The following REPS1 variants were observed in gnomAD, a reference collection of about 807,000 sequenced individuals.
The protein encoded by REPS1 is ralBP1-associated Eps domain-containing protein 1.
REPS1 carries 39 observed loss-of-function variants against 100.9 expected under a neutral mutation model. The ratio of observed to expected loss-of-function variants is 0.39; its 90% CI spans 0.30 to 0.50. REPS1 has a LOEUF of 0.50. Ranked by LOEUF, REPS1 falls within the 20% of genes least tolerant of loss-of-function variation. The pLI, the probability that REPS1 is intolerant of heterozygous loss-of-function variation, is 0.86. For synonymous variants in REPS1, 324 were observed against 340.3 expected (o/e 0.95, Z 0.53); for missense variants, 821 against 968.5 (o/e 0.85, Z 2.02).
intron 8 of REPS1, among the ~76,000 whole-genome samples, chr6:138,936,707 G>A (rs958461954): frequency 6.6e-6 from 1 of 151,580 alleles, no homozygotes; most frequent in Non-Finnish European, 1.5e-5. Context: ...TTTTTCCTCT[G>A]CAACTAAGGG....
rs187878296 is a variant in REPS1 at position 138,948,823 on chromosome 6, A to T, written c.154-910T>A. Among the ~76,000 whole-genome samples, 6 of 152,358 alleles carry T rather than the reference A, an allele frequency of 3.9e-5. No homozygotes were observed. In the East Asian group the frequency reaches 1.2e-3, roughly 29 times the overall value. Reference sequence around the variant, plus strand: ...TGCTGTGGTATTAAGTCTGAATAAAACTATTCACAGGACTTCAAAAAAAGG... The same window carrying T: ...TGCTGTGGTATTAAGTCTGAATAAATCTATTCACAGGACTTCAAAAAAAGG... On this transcript the variant is annotated intron_variant, in intron 1 of 19. Coordinates refer to ENST00000450536, the MANE Select transcript of REPS1 (RefSeq NM_001286611.2).
chr6:138,960,914 T>G (rs1172492353), intron 1 of REPS1, among the ~76,000 whole-genome samples: 1 of 152,212 alleles, frequency 6.6e-6, no homozygotes, highest in African/African-American at 2.4e-5. Flanking sequence ...TGGTAGCAGA[T>G]AAAAGTTCTT....
intron 10 of REPS1, among the ~76,000 whole-genome samples, chr6:138,926,017 G>A (rs899355506): frequency 1.3e-5 from 2 of 152,122 alleles, no homozygotes. Flanking sequence ...TGCATAAATA[G>A]TTACATATGT....
rs1235379052 is a variant in REPS1 at position 138,903,644 on chromosome 6, GA to G, written c.*1419del. On this transcript the variant is annotated 3_prime_UTR_variant, in exon 20 of 20. Coordinates refer to ENST00000450536, the MANE Select transcript of REPS1 (RefSeq NM_001286611.2). ...GGAAACAGCAAAACTTGCTTGTAATGAAATACAGCTGAGTAAAAATGTTTCT... is the reference window on the plus strand; with the variant it reads ...GGAAACAGCAAAACTTGCTTGTAATGAATACAGCTGAGTAAAAATGTTTCT... The G allele has an allele frequency of 1.3e-5, 2 of 152,172 alleles. No homozygotes were observed. Among genetic ancestry groups the G allele is most frequent in the African/African-American group, 4.8e-5 (2 of 41,436 alleles). 9.4% of individuals were successfully genotyped at this position (152,172 alleles called of 1,614,324 possible).
chr6:138,906,760 G>A (rs58837703), intron 19 of REPS1, among the ~76,000 whole-genome samples: 1 of 152,158 alleles, frequency 6.6e-6, no homozygotes, highest in African/African-American at 2.4e-5. Context: ...GAGAAATGCA[G>A]AATTCCCAGG....
chr6:138,959,311 G>A (rs1474626940), intron 1 of REPS1, among the ~76,000 whole-genome samples: 1 of 152,106 alleles, frequency 6.6e-6, no homozygotes, highest in African/African-American at 2.4e-5. Flanking sequence ...AGAAAAAACC[G>A]AAGTCAAGTA....
chr6:138,933,154 T>C (rs1781588278), intron 8 of REPS1, among the ~76,000 whole-genome samples: 1 of 152,146 alleles, frequency 6.6e-6, no homozygotes, highest in African/African-American at 2.4e-5. Context: ...CATTTGTGCT[T>C]TGATGTAGTA....
At chr6:138,909,977 A>T (rs1779901111) in intron 17 of REPS1, among the ~76,000 whole-genome samples, 1 of 152,190 alleles carries the variant, frequency 6.6e-6, no homozygotes, top group African/African-American at 2.4e-5. Context: ...TTATTCCCTC[A>T]AAGGGAAAGT....
intron 11 of REPS1, 38 bp from the exon 12 acceptor site, chr6:138,920,354 G>A: frequency 9.3e-7 from 1 of 1,076,696 alleles, no homozygotes; most frequent in East Asian, 2.4e-5. Flanking sequence ...CAAGACATAG[G>A]TATTTGAACT....
In REPS1 at chr6:138,941,357, C is replaced by A; in HGVS notation, c.1113G>T (p.Leu371=). The part of the protein sequence containing the change: ...EKLPESLMPK[L]IDLEDSADVG... ...TACCTGCTGAATCTTCCAAATCAAT[C>A]AGTTTGGGCATTAAGCTTTCAGGAA... The change falls in exon 8 of 20, where the codon CTG becomes CTT. Residue 371 remains leucine (L), a synonymous_variant. Coordinates refer to ENST00000450536, the MANE Select transcript of REPS1 (RefSeq NM_001286611.2). 1 of 1,614,002 alleles carries A rather than the reference C, an allele frequency of 6.2e-7. No individual in the cohort carries two copies. The highest frequency in any genetic ancestry group is 1.3e-5 in the African/African-American group (1 of 75,036).
intron 18 of REPS1, among the ~76,000 whole-genome samples, 157 bp from the exon 19 acceptor site, chr6:138,907,757 T>C (rs1198783120): frequency 6.6e-6 from 1 of 151,468 alleles, no homozygotes; most frequent in East Asian, 1.9e-4. Context: ...TGCAGTAGTA[T>C]ATAAGCTTCA....
At chr6:138,906,654 C>T (rs1262275261) in intron 19 of REPS1, among the ~76,000 whole-genome samples, 2 of 152,154 alleles carry the variant, frequency 1.3e-5, no homozygotes, top group African/African-American at 2.4e-5. Context: ...GAACTAACTG[C>T]ATTCATTTTT....
At chr6:138,970,071 A>C (rs1489125940) in intron 1 of REPS1, among the ~76,000 whole-genome samples, 1 of 152,122 alleles carries the variant, frequency 6.6e-6, no homozygotes, top group Non-Finnish European at 1.5e-5. Context: ...ATTTCTGAAG[A>C]GTAGCATATA....
chr6:138,907,647 T>C (rs1254842138), intron 18 of REPS1, 47 bp from the exon 19 acceptor site: 2 of 1,132,570 alleles, frequency 1.8e-6, no homozygotes, highest in African/African-American at 3.1e-5. Context: ...TCATTTCTTA[T>C]CTTAAATCCT....
intron 9 of REPS1, chr6:138,928,517 T>G (rs1452322761): frequency 6.6e-6 from 1 of 152,182 alleles, no homozygotes; most frequent in Admixed American, 6.5e-5. Flanking sequence ...ATGACATTCA[T>G]GACCTCATTA....
chr6:138,939,016 T>G lies in REPS1; in HGVS notation c.1135+2319A>C, dbSNP rs1236749528. ...GTGCACACCACCACACCCTGCTAATTTTTTTTATAATGATTTTTATGGATA... is the reference window on the plus strand; with the variant it reads ...GTGCACACCACCACACCCTGCTAATGTTTTTTATAATGATTTTTATGGATA... On this transcript the variant is annotated intron_variant, in intron 8 of 19. Coordinates refer to ENST00000450536, the MANE Select transcript of REPS1 (RefSeq NM_001286611.2). Among the ~76,000 whole-genome samples the G allele has an allele frequency of 2.0e-5, 3 of 152,006 alleles. No homozygotes were observed. The East Asian group carries it at 5.8e-4, about 29-fold the overall frequency.
chr6:138,987,539 C>G lies in REPS1; in HGVS notation c.144G>C (p.Val48=), dbSNP rs1785341309. 5 of 1,549,902 alleles carry G rather than the reference C, an allele frequency of 3.2e-6. No individual in the cohort carries two copies. The highest frequency in any genetic ancestry group is 4.4e-6 in the Non-Finnish European group (5 of 1,146,342). ...CGGGACGCGACGTTACCTGTAGGAC[C>G]ACGTCGTTCGGCAGCTGCGCGGCCC... ...LFRAAQLPND[V]VLQIMELCGA... Residue 48 remains valine (V), a synonymous_variant, in exon 1 of 20, where the codon GTG becomes GTC. Coordinates refer to ENST00000450536, the MANE Select transcript of REPS1 (RefSeq NM_001286611.2).
In REPS1 at chr6:138,907,596, C is replaced by G; in HGVS notation, c.2221G>C (p.Val741Leu). The G allele has an allele frequency of 1.9e-6, 3 of 1,606,452 alleles. No individual in the cohort carries two copies. The highest frequency in any genetic ancestry group is 1.7e-6 in the Non-Finnish European group (2 of 1,173,394). The change falls in exon 19 of 20, where the codon GTT becomes CTT. Residue 741 changes from valine to leucine, a missense_variant. By Grantham distance (32) the Val-to-Leu change is conservative (BLOSUM62 1). Transcript: ENST00000450536. Reference sequence around the variant, plus strand: ...TGAATAGCTTTCTTATCTTTCCCAACAGATCTGAGAAGATAAAGAAGGCAA... The same window carrying G: ...TGAATAGCTTTCTTATCTTTCCCAAGAGATCTGAGAAGATAAAGAAGGCAA... ...LASQPSIPRSVGKDKKAIQAS... is the reference protein window; with the variant it reads ...LASQPSIPRSLGKDKKAIQAS...
At chr6:138,911,692 G>GT (rs1780018465) in intron 16 of REPS1, among the ~76,000 whole-genome samples, 3 of 149,332 alleles carry the variant, frequency 2.0e-5, no homozygotes, top group African/African-American at 7.5e-5. Flanking sequence ...GAGGATGCAG[G>GT]TAATAGATGT....
Sources: gnomAD v4.1 joint callset for allele counts (sites outside exome capture counted in the v4.1 genomes callset) on GRCh38, gnomAD v4.1.1 for gene constraint, MANE v1.5 for transcripts, NCBI Gene and HGNC (gene_info 2026-07-23, HGNC 2026-07-21) for gene names.